NRXN3: variants seen among roughly 807,000 people sequenced by gnomAD.
NRXN3 encodes the protein neurexin 3.
In NRXN3, 32 loss-of-function variants were observed where a neutral mutation model predicts 137.6. The observed-to-expected ratio is 0.23, with a 90% CI of 0.18 to 0.31. NRXN3 has a LOEUF of 0.31. Ranked by LOEUF, NRXN3 falls within the 10% of genes least tolerant of loss-of-function variation. The pLI is 1.00. For synonymous variants in NRXN3, 798 were observed against 784.5 expected (o/e 1.02, Z -0.29); for missense variants, 1,574 against 2,062.5 (o/e 0.76, Z 4.59).
chr14:78,989,975 G>A (rs553415319), intron 15 of NRXN3, among the ~76,000 whole-genome samples: 12 of 152,298 alleles, frequency 7.9e-5, no homozygotes, highest in Admixed American at 5.9e-4. Flanking sequence ...AAATCAGGAA[G>A]GATTCTTTCT....
intron 4 of NRXN3, among the ~76,000 whole-genome samples, chr14:78,338,305 G>C (rs961790025): frequency 2.6e-5 from 4 of 152,214 alleles, no homozygotes; most frequent in Non-Finnish European, 5.9e-5. Context: ...CTAGTTTAAC[G>C]TGTGGCCAGT....
chr14:79,812,996 A>G (rs569897441), intron 20 of NRXN3, among the ~76,000 whole-genome samples: 44 of 150,960 alleles, frequency 2.9e-4, no homozygotes, highest in East Asian at 7.7e-4. Context: ...TACTGTGTGT[A>G]TATATATATA....
chr14:78,993,557 A>G (rs1567928029), intron 15 of NRXN3, among the ~76,000 whole-genome samples: 1 of 152,174 alleles, frequency 6.6e-6, no homozygotes, highest in Non-Finnish European at 1.5e-5. Context: ...TCACTTGTAA[A>G]ACAATTGTTT....
At chr14:78,862,320 A>G (rs1421526018) in intron 10 of NRXN3, among the ~76,000 whole-genome samples, 1 of 152,122 alleles carries the variant, frequency 6.6e-6, no homozygotes, top group Admixed American at 6.6e-5. Flanking sequence ...AGCTTGGCAG[A>G]TTTGAAAAAT....
chr14:79,205,716 C>A (rs939291902), intron 15 of NRXN3, among the ~76,000 whole-genome samples: 1 of 152,138 alleles, frequency 6.6e-6, no homozygotes, highest in Non-Finnish European at 1.5e-5. Flanking sequence ...AGTCCTATGA[C>A]AGAAATCCAG....
intron 4 of NRXN3, among the ~76,000 whole-genome samples, chr14:78,376,370 A>G (rs767797557): frequency 3.9e-4 from 59 of 152,214 alleles, no homozygotes; most frequent in Non-Finnish European, 6.3e-4. Flanking sequence ...CCAATTTTTC[A>G]AGAATAGTAA....
At chr14:79,030,635 C>CTTTTTTTTTTTTTTTTTTTTTAT (rs2099606385) in intron 15 of NRXN3, among the ~76,000 whole-genome samples, 1 of 54,236 alleles carries the variant, frequency 1.8e-5, no homozygotes, top group African/African-American at 7.2e-5. Context: ...TTCTCTGTGT[C>CTTTTTTTTTTTTTTTTTTTTTAT]TTTTTTTTTT....
intron 15 of NRXN3, among the ~76,000 whole-genome samples, chr14:79,207,519 A>T (rs1032497029): frequency 1.3e-5 from 2 of 152,180 alleles, no homozygotes; most frequent in Non-Finnish European, 2.9e-5. Flanking sequence ...TTTGCAGCAG[A>T]GTTCAGAATA....
At chr14:78,769,582 G>A (rs2098720195) in intron 8 of NRXN3, among the ~76,000 whole-genome samples, 1 of 152,160 alleles carries the variant, frequency 6.6e-6, no homozygotes, top group Non-Finnish European at 1.5e-5. Flanking sequence ...TGCTCTTTAG[G>A]AGCTCAACCT....
intron 15 of NRXN3, among the ~76,000 whole-genome samples, chr14:79,445,650 G>T: frequency 6.6e-6 from 1 of 152,162 alleles, no homozygotes; most frequent in Non-Finnish European, 1.5e-5. Context: ...ATAAGAAGAG[G>T]CCAGCCATGC....
intron 8 of NRXN3, among the ~76,000 whole-genome samples, chr14:78,796,352 G>T (rs2098821749): frequency 6.6e-6 from 1 of 152,174 alleles, no homozygotes; most frequent in South Asian, 2.1e-4. Flanking sequence ...CAACCAACTG[G>T]GCTGTAATGG....
At chr14:78,662,619 G>T (rs909906091) in intron 6 of NRXN3, among the ~76,000 whole-genome samples, 1 of 152,142 alleles carries the variant, frequency 6.6e-6, no homozygotes, top group African/African-American at 2.4e-5. Context: ...TTTATAGATA[G>T]ATCTATAGAT....
At chr14:79,607,788 C>T (rs1473311128) in intron 16 of NRXN3, among the ~76,000 whole-genome samples, 1 of 151,660 alleles carries the variant, frequency 6.6e-6, no homozygotes, top group Non-Finnish European at 1.5e-5. Flanking sequence ...AAGCCAACCT[C>T]CCACCTTAGC....
rs550353788 is a variant in NRXN3, at chr14:79,137,154, A to G, written c.3262+149013A>G. Among the ~76,000 whole-genome samples the G allele has an allele frequency of 1.1e-4, 17 of 152,316 alleles. No homozygotes were observed. In the South Asian group the frequency reaches 3.5e-3, roughly 32 times the overall value. ...GCCTGCTCGGAGAGGAGAGCCTTAC[A>G]CTGGAGTTTGCAGGCATTTGCTGCT... is the stretch of plus-strand genomic sequence containing the variant. On this transcript the variant is annotated intron_variant, in intron 15 of 20. Transcript: ENST00000335750.
chr14:79,590,077 T>C (rs1567592601), intron 16 of NRXN3, among the ~76,000 whole-genome samples: 1 of 152,108 alleles, frequency 6.6e-6, no homozygotes, highest in Non-Finnish European at 1.5e-5. Context: ...CATTACTTTG[T>C]ACAACGAGGG....
chr14:78,798,944 G>A (rs748515113), intron 8 of NRXN3, among the ~76,000 whole-genome samples: 4 of 152,186 alleles, frequency 2.6e-5, no homozygotes, highest in Non-Finnish European at 4.4e-5. Flanking sequence ...GTTTGGGGGT[G>A]TGGCTCAGCC....
At chr14:78,322,944 T>G (rs1446824262) in intron 4 of NRXN3, among the ~76,000 whole-genome samples, 2 of 152,070 alleles carry the variant, frequency 1.3e-5, no homozygotes, top group African/African-American at 4.8e-5. Context: ...TTCTGCAATG[T>G]GTGTCACCTT....
chr14:79,358,574 AGAAAGAAAGAG>A (rs1327484063), intron 15 of NRXN3, among the ~76,000 whole-genome samples: 1 of 136,650 alleles, frequency 7.3e-6, no homozygotes, highest in South Asian at 2.6e-4. Flanking sequence ...AAAAAAAAAA[AGAAAGAAAGAG>A]AGAAAGAAAG....
chr14:78,370,312 C>CTTT (rs5809879), intron 4 of NRXN3, among the ~76,000 whole-genome samples: 1 of 144,774 alleles, frequency 6.9e-6, no homozygotes, highest in African/African-American at 2.6e-5. Context: ...TACTGAGACA[C>CTTT]TTTTTTTTTT....
Sources: allele counts gnomAD v4.1 joint callset (sites outside exome capture counted in the v4.1 genomes callset), GRCh38; gene constraint gnomAD v4.1.1; transcripts MANE v1.5; gene names NCBI Gene and HGNC (gene_info 2026-07-23, HGNC 2026-07-21).